Variants in NSG1 observed in about 807,000 individuals in gnomAD.
NSG1 encodes neuronal vesicle trafficking associated 1, also known as neuronal vesicle trafficking-associated protein 1.
Under a neutral mutation model 19.3 loss-of-function variants are expected in NSG1, and 9 were observed. The ratio of observed to expected loss-of-function variants is 0.47; its 90% confidence interval spans 0.28 to 0.81. The LOEUF is 0.81. Ranked by LOEUF, NSG1 falls within the 40% of genes least tolerant of loss-of-function variation. The pLI is 0.11. For synonymous variants in NSG1, 104 were observed against 107.0 expected (o/e 0.97, Z 0.17); for missense variants, 236 against 242.4 (o/e 0.97, Z 0.18).
intron 2 of NSG1, among the ~76,000 whole-genome samples, chr4:4,389,351 A>G (rs1722888467): frequency 6.6e-6 from 1 of 152,224 alleles, no homozygotes; most frequent in African/African-American, 2.4e-5. Context: ...GAAGCGGGGC[A>G]GCCAGCAGGG....
chr4:4,411,929 T>C (rs1358559346), intron 4 of NSG1, among the ~76,000 whole-genome samples: 3 of 151,830 alleles, frequency 2.0e-5, no homozygotes, highest in African/African-American at 7.3e-5. Flanking sequence ...ACAAGTAACA[T>C]ACGCGTTTAT....
Position 4,406,334 on chromosome 4 carries a change from C to G in NSG1, c.247-3239C>G, listed in dbSNP as rs1442333626. On this transcript the variant is annotated intron_variant, in intron 3 of 4. Transcript: ENST00000621129. ...GAGCCACCACGTCTGCCCCTGAAAC[C>G]CTCTTCTAACAGGACATCTGCACCT... is the stretch of plus-strand genomic sequence containing the variant. Among the ~76,000 whole-genome samples, 4 of 152,202 alleles carry G rather than the reference C, an allele frequency of 2.6e-5. 1 individual carries two copies. The South Asian group carries it at 8.3e-4, about 32-fold the overall frequency.
intron 4 of NSG1, among the ~76,000 whole-genome samples, chr4:4,413,205 G>C (rs780030719): frequency 6.6e-6 from 1 of 151,936 alleles, no homozygotes; most frequent in Non-Finnish European, 1.5e-5. Context: ...GAAGTCAGTC[G>C]TACACTGAAT....
chr4:4,415,427 G>C (rs968691613), intron 4 of NSG1, among the ~76,000 whole-genome samples: 1 of 152,172 alleles, frequency 6.6e-6, no homozygotes, highest in Non-Finnish European at 1.5e-5. Context: ...CACCCCACAG[G>C]TGAGGGTGGC....
Position 4,418,777 on chromosome 4 carries a change from C to T in NSG1, c.*1342C>T, listed in dbSNP as rs948290566. The T allele has an allele frequency of 9.2e-5, 14 of 152,608 alleles. No individual in the cohort carries two copies. Among genetic ancestry groups the T allele is most frequent in the African/African-American group, 3.4e-4 (14 of 41,430 alleles). 9.5% of individuals were successfully genotyped at this position (152,608 alleles called of 1,614,324 possible). A position where few individuals can be genotyped will look rare whatever the true frequency, so the allele number is the denominator to read the frequency against. Reference sequence around the variant, plus strand: ...TTCTAAGACAGAAAATGTATTTTCTCATCAAGGGTGTCTGGAGACACAGAC... The same window carrying T: ...TTCTAAGACAGAAAATGTATTTTCTTATCAAGGGTGTCTGGAGACACAGAC... On this transcript the variant is annotated 3_prime_UTR_variant, in exon 5 of 5. Coordinates refer to ENST00000621129, the MANE Select transcript of NSG1 (RefSeq NM_014392.5).
intron 3 of NSG1, among the ~76,000 whole-genome samples, chr4:4,396,794 C>G (rs535722214): frequency 6.6e-6 from 1 of 151,772 alleles, no homozygotes; most frequent in Non-Finnish European, 1.5e-5. Flanking sequence ...TGGTGTGTTT[C>G]AAGATGCATT....
chr4:4,416,482 C>T lies in NSG1; in HGVS notation c.358-753C>T, dbSNP rs551143745. ...GATCCCTGTACACCTGCCTTAAGCCCGTGGAGGTGAGCCACTCACCTCAAG... is the reference window on the plus strand; with the variant it reads ...GATCCCTGTACACCTGCCTTAAGCCTGTGGAGGTGAGCCACTCACCTCAAG... On this transcript the variant is annotated intron_variant, in intron 4 of 4. Transcript: ENST00000621129. Among the ~76,000 whole-genome samples, 5 of 152,266 alleles carry T rather than the reference C, an allele frequency of 3.3e-5. No homozygotes were observed. The South Asian group carries it at 6.2e-4, about 19-fold the overall frequency.
intron 3 of NSG1, among the ~76,000 whole-genome samples, chr4:4,397,310 C>G (rs1171216720): frequency 6.6e-6 from 1 of 152,200 alleles, no homozygotes; most frequent in Non-Finnish European, 1.5e-5. Flanking sequence ...GCGCCATGAG[C>G]ACTGTCTCGT....
rs543586239 is a variant in NSG1, at chr4:4,407,301, C to G, written c.247-2272C>G. On this transcript the variant is annotated intron_variant, in intron 3 of 4. Transcript: ENST00000621129. ...CCTGCTCAGAGGGGATGTGAATCTG[C>G]CTGCCAGGGGCCTGAGGGGTCCCTC... Among the ~76,000 whole-genome samples, 13 of 152,268 alleles carry G rather than the reference C, an allele frequency of 8.5e-5. No homozygotes were observed. In the East Asian group the frequency reaches 2.5e-3, roughly 29 times the overall value.
chr4:4,412,148 G>A (rs1724243208), intron 4 of NSG1, among the ~76,000 whole-genome samples: 1 of 152,162 alleles, frequency 6.6e-6, no homozygotes, highest in Non-Finnish European at 1.5e-5. Flanking sequence ...GTGGTCCATC[G>A]TTGACCCAAA....
chr4:4,394,243 C>G (rs1723136814), intron 3 of NSG1, among the ~76,000 whole-genome samples: 2 of 152,128 alleles, frequency 1.3e-5, no homozygotes, highest in African/African-American at 2.4e-5. Flanking sequence ...TCTTCAAATC[C>G]TTTTCCTTTG....
chr4:4,396,162 C>T (rs1723237839), intron 3 of NSG1, among the ~76,000 whole-genome samples: 1 of 152,212 alleles, frequency 6.6e-6, no homozygotes, highest in African/African-American at 2.4e-5. Flanking sequence ...TGTTTCTCAA[C>T]CAAACCTAAA....
At chr4:4,402,213 T>G (rs1723585599) in intron 3 of NSG1, among the ~76,000 whole-genome samples, 1 of 149,948 alleles carries the variant, frequency 6.7e-6, no homozygotes, top group Admixed American at 6.6e-5. Context: ...TCCTTTGATT[T>G]TTTTTTTTTT....
chr4:4,413,130 C>T (rs889524214), intron 4 of NSG1, among the ~76,000 whole-genome samples: 9 of 152,074 alleles, frequency 5.9e-5, no homozygotes, highest in African/African-American at 1.7e-4. Context: ...GGAACACAGC[C>T]GAGAGCCAGT....
chr4:4,416,239 C>A, intron 4 of NSG1: 1 of 701,622 alleles, frequency 1.4e-6, no homozygotes, highest in South Asian at 1.5e-5. Context: ...CTTCCCTTCT[C>A]CTGTAGCGCC....
chr4:4,417,557 GTT>G lies in NSG1; in HGVS notation c.*124_*125del, dbSNP rs1012130715. The G allele has an allele frequency of 1.4e-5, 13 of 959,042 alleles. No homozygotes were observed. Among genetic ancestry groups the G allele is most frequent in the African/African-American group, 1.3e-4 (8 of 60,872 alleles). 59.4% of individuals were successfully genotyped at this position (959,042 alleles called of 1,614,324 possible). ...ACTCATTTACGGTGCAATTGCTTCT[GTT>G]TGCTAATGCTGCTTTGCAAATAAAA... is the stretch of plus-strand genomic sequence containing the variant. On this transcript the variant is annotated 3_prime_UTR_variant, in exon 5 of 5. Transcript: ENST00000621129.
At chr4:4,406,783 A>G (rs1295093783) in intron 3 of NSG1, among the ~76,000 whole-genome samples, 1 of 152,144 alleles carries the variant, frequency 6.6e-6, no homozygotes, top group Non-Finnish European at 1.5e-5. Flanking sequence ...CCAGTGAGCT[A>G]GAGCCGCAGG....
chr4:4,394,447 A>G (rs761738350), intron 3 of NSG1, among the ~76,000 whole-genome samples: 3 of 151,514 alleles, frequency 2.0e-5, no homozygotes, highest in Non-Finnish European at 4.4e-5. Context: ...CTCTCTTTTG[A>G]GGGTCTGGGT....
chr4:4,413,904 A>G (rs993172368), intron 4 of NSG1, among the ~76,000 whole-genome samples: 2 of 151,820 alleles, frequency 1.3e-5, no homozygotes, highest in Non-Finnish European at 2.9e-5. Context: ...AGAGGGGTAA[A>G]AGGAAAGGGC....
Sources: allele counts gnomAD v4.1 joint callset (sites outside exome capture counted in the v4.1 genomes callset), GRCh38; gene constraint gnomAD v4.1.1; transcripts MANE v1.5; gene names NCBI Gene and HGNC (gene_info 2026-07-23, HGNC 2026-07-21).